CD1B: variants seen among roughly 807,000 people sequenced by gnomAD.
CD1B encodes the protein T-cell surface glycoprotein CD1b.
In CD1B, 43 loss-of-function variants were observed where a neutral mutation model predicts 39.8. That is an observed-to-expected ratio of 1.08 (90% CI 0.85 to 1.39). The LOEUF (loss-of-function observed/expected upper bound fraction) is 1.39, where lower values mean the gene tolerates loss of function less well. Ranked by LOEUF, CD1B falls within the 40% of genes most tolerant of loss-of-function variation. The pLI is 0.00. For missense variants in CD1B, 495 were observed against 403.8 expected (o/e 1.23, Z -1.94); for synonymous variants, 192 against 152.5 (o/e 1.26, Z -1.91).
the CD1B span, among the ~76,000 whole-genome samples, chr1:158,311,240 T>G: frequency 6.6e-6 from 1 of 152,172 alleles, no homozygotes; most frequent in Non-Finnish European, 1.5e-5. Context: ...TGAAGTGATA[T>G]CTCATTGTGG....
chr1:158,293,240 C>T, the CD1B span: 23 of 1,614,038 alleles, frequency 1.4e-5, no homozygotes, highest in East Asian at 4.7e-4. Context: ...ATTGGATTGC[C>T]TTGGTAGTGA....
chr1:158,299,628 G>T, the CD1B span, among the ~76,000 whole-genome samples: 2 of 152,026 alleles, frequency 1.3e-5, no homozygotes, highest in Non-Finnish European at 2.9e-5. Flanking sequence ...GACTTTTTTT[G>T]GTTGGCAGGC....
At chr1:158,309,985 A>T in the CD1B span, among the ~76,000 whole-genome samples, 3 of 60,050 alleles carry the variant, frequency 5.0e-5, no homozygotes, top group East Asian at 1.4e-3. Context: ...GTATAATAAT[A>T]AAAAAAAAAG....
At chr1:158,297,290 G>A in the CD1B span, among the ~76,000 whole-genome samples, 1 of 152,090 alleles carries the variant, frequency 6.6e-6, no homozygotes, top group Non-Finnish European at 1.5e-5. Context: ...GACATTGAGG[G>A]CCTATATTCA....
the CD1B span, among the ~76,000 whole-genome samples, chr1:158,314,499 T>G: frequency 1.3e-5 from 2 of 152,162 alleles, no homozygotes; most frequent in Non-Finnish European, 2.9e-5. Context: ...TCTACTAGTT[T>G]TGGCTTGATG....
At chr1:158,304,016 A>T in the CD1B span, among the ~76,000 whole-genome samples, 1 of 152,090 alleles carries the variant, frequency 6.6e-6, no homozygotes, top group Non-Finnish European at 1.5e-5. Context: ...AGCATGAGCG[A>T]CACAGAAGAC....
chr1:158,308,806 C>T, the CD1B span, among the ~76,000 whole-genome samples: 12 of 152,300 alleles, frequency 7.9e-5, no homozygotes, highest in Non-Finnish European at 1.3e-4. Flanking sequence ...GGATCCCTTC[C>T]TTACACCTTA....
In CD1B at chr1:158,330,648, T is replaced by C. The variant is rs781176472; in HGVS notation, c.328+148A>G. On this transcript the variant is annotated intron_variant, in intron 2 of 5. Transcript: ENST00000368168. ...AATATGAGGTGTGATGGTGTGAAGC[T>C]GGAGTGAGAGACTACTCAAGAAAAG... The C allele has an allele frequency of 4.9e-6, 4 of 810,968 alleles. No individual in the cohort carries two copies. The South Asian group carries it at 5.4e-5, about 11-fold the overall frequency. The allele number at this position is 810,968 out of a possible 1,614,324, so 50.2% of individuals were successfully genotyped here. A position where few individuals can be genotyped will look rare whatever the true frequency, so the allele number is the denominator to read the frequency against.
the CD1B span, among the ~76,000 whole-genome samples, chr1:158,301,891 G>T: frequency 6.6e-6 from 1 of 152,060 alleles, no homozygotes; most frequent in Admixed American, 6.6e-5. Context: ...TTCCAGCTTG[G>T]TTCCATTCTC....
intron 4 of CD1B, 99 bp downstream of exon 4, chr1:158,329,271 C>T: frequency 1.4e-6 from 2 of 1,401,532 alleles, no homozygotes; most frequent in Non-Finnish European, 2.0e-6. Flanking sequence ...TCAATCTCTC[C>T]CTCTTTCATC....
chr1:158,331,315 A>T (rs2101719155), intron 1 of CD1B, 48 bp downstream of exon 1: 1 of 1,565,062 alleles, frequency 6.4e-7, no homozygotes, highest in Non-Finnish European at 8.8e-7. Flanking sequence ...TGCTTTTTAA[A>T]ATCCAAACCC....
At chr1:158,318,493 T>A in the CD1B span, among the ~76,000 whole-genome samples, 26 of 152,186 alleles carry the variant, frequency 1.7e-4, no homozygotes, top group South Asian at 4.1e-4. Flanking sequence ...AATCCCTGCC[T>A]TTTTTTGTTT....
chr1:158,296,949 T>C, the CD1B span, among the ~76,000 whole-genome samples: 26 of 152,270 alleles, frequency 1.7e-4, no homozygotes, highest in South Asian at 5.2e-3. Context: ...TATGAGGTTA[T>C]GTAAAGAGAC....
chr1:158,292,013 G>T, the CD1B span: 1 of 1,459,322 alleles, frequency 6.9e-7, no homozygotes, highest in Non-Finnish European at 9.3e-7. Flanking sequence ...TCCTGATACA[G>T]CCCTAGGTTT....
At chr1:158,295,589 C>T in the CD1B span, among the ~76,000 whole-genome samples, 1 of 152,154 alleles carries the variant, frequency 6.6e-6, no homozygotes, top group Non-Finnish European at 1.5e-5. Flanking sequence ...GATTGGCATG[C>T]TCCTCTAGGT....
the CD1B span, among the ~76,000 whole-genome samples, chr1:158,297,949 C>A: frequency 1.6e-3 from 207 of 129,182 alleles, no homozygotes; most frequent in Non-Finnish European, 1.6e-3. Context: ...TTAAAAAAGA[C>A]AAAAAAAAAA....
chr1:158,302,090 A>T, the CD1B span, among the ~76,000 whole-genome samples: 2 of 152,140 alleles, frequency 1.3e-5, no homozygotes, highest in African/African-American at 4.8e-5. Context: ...CATACCAACC[A>T]CACTCTTGCA....
the CD1B span, chr1:158,293,022 G>A: frequency 2.3e-6 from 2 of 874,376 alleles, no homozygotes; most frequent in East Asian, 2.6e-5. Context: ...AGACCTAAGG[G>A]ATACATGGAT....
At chr1:158,318,999 T>C in the CD1B span, among the ~76,000 whole-genome samples, 1 of 152,062 alleles carries the variant, frequency 6.6e-6, no homozygotes, top group Non-Finnish European at 1.5e-5. Context: ...GCCCCCACTC[T>C]CTTCTGGCTT....
Sources: allele counts gnomAD v4.1 joint callset (sites outside exome capture counted in the v4.1 genomes callset), GRCh38; gene constraint gnomAD v4.1.1; transcripts MANE v1.5; gene names NCBI Gene and HGNC (gene_info 2026-07-23, HGNC 2026-07-21).